The following MAGI2 variants were observed in gnomAD, a reference collection of about 807,000 sequenced individuals.
MAGI2 encodes the protein membrane-associated guanylate kinase, WW and PDZ domain-containing protein 2.
In MAGI2, 35 loss-of-function variants were observed where a neutral mutation model predicts 133.3. That is an observed-to-expected ratio of 0.26 (90% CI 0.20 to 0.35). The LOEUF (loss-of-function observed/expected upper bound fraction) is 0.35, where lower values mean the gene tolerates loss of function less well. Ranked by LOEUF, MAGI2 falls within the 10% of genes least tolerant of loss-of-function variation. The probability of loss-of-function intolerance (pLI) is 1.00; values close to 1 mark genes in which losing one functional copy is unlikely to be tolerated. For synonymous variants in MAGI2, 729 were observed against 710.6 expected (o/e 1.03, Z -0.41); for missense variants, 1,636 against 1,863.4 (o/e 0.88, Z 2.25).
At chr7:79,324,261 T>G in intron 1 of MAGI2, among the ~76,000 whole-genome samples, 1 of 151,602 alleles carries the variant, frequency 6.6e-6, no homozygotes, top group East Asian at 1.9e-4. Context: ...TATGTGCTGC[T>G]GAAGCTAGCA....
At chr7:79,368,390 A>T (rs1842856105) in intron 1 of MAGI2, among the ~76,000 whole-genome samples, 1 of 152,152 alleles carries the variant, frequency 6.6e-6, no homozygotes, top group African/African-American at 2.4e-5. Context: ...CATTTGCAGC[A>T]TAGTTTTGAC....
chr7:78,158,320 G>A (rs902338644), intron 16 of MAGI2: 1 of 152,106 alleles, frequency 6.6e-6, no homozygotes, highest in African/African-American at 2.4e-5. Context: ...CTGTTCTACT[G>A]CTTGCAGGCT....
chr7:78,865,323 A>T (rs1794470956), intron 2 of MAGI2, among the ~76,000 whole-genome samples: 2 of 152,198 alleles, frequency 1.3e-5, no homozygotes, highest in African/African-American at 4.8e-5. Context: ...GTAGTGAAGA[A>T]TTAAGAAGAG....
At chr7:78,907,570 T>C (rs1798079284) in intron 2 of MAGI2, among the ~76,000 whole-genome samples, 1 of 152,190 alleles carries the variant, frequency 6.6e-6, no homozygotes, top group South Asian at 2.1e-4. Flanking sequence ...TTGACTTTTG[T>C]ATACTAAATA....
At chr7:78,917,116 G>A (rs186298402) in intron 2 of MAGI2, among the ~76,000 whole-genome samples, 2 of 152,158 alleles carry the variant, frequency 1.3e-5, no homozygotes, top group East Asian at 3.9e-4. Flanking sequence ...CAAGACATTG[G>A]CACAATGTCA....
intron 6 of MAGI2, among the ~76,000 whole-genome samples, chr7:78,481,526 C>T (rs903886751): frequency 6.6e-6 from 1 of 151,788 alleles, no homozygotes; most frequent in African/African-American, 2.4e-5. Flanking sequence ...CCATATCAGT[C>T]ACTCTACCCA....
chr7:78,876,727 C>T (rs902373239), intron 2 of MAGI2, among the ~76,000 whole-genome samples: 1 of 152,098 alleles, frequency 6.6e-6, no homozygotes, highest in Non-Finnish European at 1.5e-5. Context: ...ACATTCAATG[C>T]TGTTTGTTAT....
intron 2 of MAGI2, among the ~76,000 whole-genome samples, chr7:78,935,160 A>G (rs1800421474): frequency 6.6e-6 from 1 of 152,178 alleles, no homozygotes; most frequent in African/African-American, 2.4e-5. Flanking sequence ...TTAAATGACA[A>G]ATCACACCAC....
chr7:79,340,464 G>A (rs1294260127), intron 1 of MAGI2, among the ~76,000 whole-genome samples: 1 of 152,056 alleles, frequency 6.6e-6, no homozygotes, highest in Non-Finnish European at 1.5e-5. Flanking sequence ...CTTCATAGTA[G>A]TAAAAGCTTT....
rs200475881 is a variant in MAGI2 at position 78,038,146 on chromosome 7, GT to G, written c.3707-18171del. Among the ~76,000 whole-genome samples the G allele has an allele frequency of 8.5e-3, 1,286 of 152,178 alleles. 47 individuals are homozygous for G. Among genetic ancestry groups the G allele is most frequent in the East Asian group, 0.069 (358 of 5,180 alleles). On this transcript the variant is annotated intron_variant, in intron 21 of 21. Coordinates refer to ENST00000354212, the MANE Select transcript of MAGI2 (RefSeq NM_012301.4). Reference sequence around the variant, plus strand: ...CTCCCTTTACTAGACTATAAATTCTGTTAGAAAGGGACTGGGATCTGTCTTG... The same window carrying G: ...CTCCCTTTACTAGACTATAAATTCTGTAGAAAGGGACTGGGATCTGTCTTG...
chr7:78,347,829 G>A (rs1382757879), intron 7 of MAGI2, among the ~76,000 whole-genome samples: 4 of 152,152 alleles, frequency 2.6e-5, no homozygotes, highest in Admixed American at 2.0e-4. Flanking sequence ...GAAATAAAAC[G>A]TTATTGTAAT....
chr7:78,704,832 G>C (rs906815616), intron 2 of MAGI2, among the ~76,000 whole-genome samples: 3 of 126,996 alleles, frequency 2.4e-5, no homozygotes, highest in African/African-American at 9.1e-5. Flanking sequence ...CCAGGCTGGA[G>C]TGCAATGGCA....
chr7:78,885,148 C>T (rs971275453), intron 2 of MAGI2, among the ~76,000 whole-genome samples: 1 of 152,130 alleles, frequency 6.6e-6, no homozygotes, highest in Non-Finnish European at 1.5e-5. Context: ...ACACTGGGGA[C>T]TACTAGAGAG....
At chr7:78,065,431 G>T in intron 21 of MAGI2, 1 of 534,984 alleles carries the variant, frequency 1.9e-6, no homozygotes, top group Non-Finnish European at 3.3e-6. Flanking sequence ...TCACTTATAA[G>T]GTCTGAGCTA....
intron 10 of MAGI2, among the ~76,000 whole-genome samples, chr7:78,214,171 T>A (rs1336966298): frequency 1.3e-5 from 2 of 152,234 alleles, no homozygotes; most frequent in Non-Finnish European, 2.9e-5. Context: ...ATTTCAGACT[T>A]CTTTATCAAG....
chr7:78,974,128 A>C (rs1804028728), intron 2 of MAGI2, among the ~76,000 whole-genome samples: 1 of 151,054 alleles, frequency 6.6e-6, no homozygotes, highest in African/African-American at 2.4e-5. Flanking sequence ...TTTTTGAAAA[A>C]CTCCCTTTAA....
chr7:78,552,585 T>C (rs1338694638), intron 3 of MAGI2, among the ~76,000 whole-genome samples: 1 of 152,210 alleles, frequency 6.6e-6, no homozygotes, highest in African/African-American at 2.4e-5. Context: ...TGAGAAACTA[T>C]ACAAAGAACT....
rs756755700 is a variant in MAGI2, at chr7:79,453,090, G to A, written c.231C>T (p.Leu77=). 4.3e-6 allele frequency: 7 copies of A among 1,613,728 alleles called. No individual in the cohort carries two copies. Among genetic ancestry groups the A allele is most frequent in the South Asian group, 2.2e-5 (2 of 91,020 alleles). ...TCACGGCCAGCACGTCCCTGATGGT[G>A]AGCCCCGCCACGGGGGTCTCGTTCA... The part of the protein sequence containing the change: ...LEVNETPVAG[L]TIRDVLAVIK... The change falls in exon 1 of 22, where the codon CTC becomes CTT. Residue 77 remains leucine (L), a synonymous_variant. Transcript: ENST00000354212.
chr7:78,549,177 T>G (rs1255358097), intron 3 of MAGI2, among the ~76,000 whole-genome samples: 1 of 152,106 alleles, frequency 6.6e-6, no homozygotes, highest in Non-Finnish European at 1.5e-5. Context: ...GAAAAGTTGA[T>G]AGATATAAGT....
Sources: allele counts gnomAD v4.1 joint callset (sites outside exome capture counted in the v4.1 genomes callset), GRCh38; gene constraint gnomAD v4.1.1; transcripts MANE v1.5; gene names NCBI Gene and HGNC (gene_info 2026-07-23, HGNC 2026-07-21).